RUNX3: variants seen among roughly 807,000 people sequenced by gnomAD.
RUNX3 encodes runt-related transcription factor 3.
RUNX3 carries 10 observed loss-of-function variants against 27.7 expected under a neutral mutation model. The ratio of observed to expected loss-of-function variants is 0.36; its 90% CI spans 0.22 to 0.61. The LOEUF (loss-of-function observed/expected upper bound fraction) is 0.61. Ranked by LOEUF, RUNX3 falls within the 20% of genes least tolerant of loss-of-function variation. The pLI is 0.72. For missense variants in RUNX3, 469 were observed against 629.5 expected, an observed-to-expected ratio of 0.75 and a Z score of 2.73; for synonymous variants, 270 against 269.2, an observed-to-expected ratio of 1.00 and a Z score of -0.03.
Position 24,929,571 on chromosome 1 carries a change from C to CA in RUNX3, c.282+15_282+16insT, listed in dbSNP as rs1218479654. The CA allele has an allele frequency of 5.0e-6, 8 of 1,596,210 alleles. No homozygotes were observed. In the African/African-American group the frequency reaches 1.1e-4, roughly 21 times the overall value. On this transcript the variant is annotated intron_variant, in intron 1 of 4. Transcript: ENST00000308873. ...CCCCAGGGCCGGCGCCCTCCCGCCC[C>CA]GGGTCCCGCACTCACCTTGAAGGCG...
intron 2 of RUNX3, among the ~76,000 whole-genome samples, chr1:24,926,548 T>C (rs999427227): frequency 6.6e-6 from 1 of 152,224 alleles, no homozygotes; most frequent in African/African-American, 2.4e-5. Flanking sequence ...TTTGTATGTA[T>C]ACATCGAACG....
chr1:24,936,730 C>T lies in RUNX3; in HGVS notation c.59-6878G>A, dbSNP rs569793820. On this transcript the variant is annotated intron_variant, in intron 2 of 6. Coordinates refer to the RUNX3 transcript ENST00000338888. The stretch of plus-strand genomic sequence containing the variant: ...AGCAGCTTCTGGGCCCAGCCAGGCC[C>T]ATTAGGGATTTTCCACCTCCCCAAA... Among the ~76,000 whole-genome samples the T allele has an allele frequency of 7.2e-5, 11 of 152,318 alleles. No homozygotes were observed. The South Asian group carries it at 2.3e-3, about 32-fold the overall frequency.
At chr1:24,907,697 C>G (rs141959761) in intron 3 of RUNX3, among the ~76,000 whole-genome samples, 2,563 of 150,814 alleles carry the variant, frequency 0.017, 50 homozygotes, top group African/African-American at 0.057. Context: ...ACGCGGTGAT[C>G]TAAACCTCTA....
Position 24,927,764 on chromosome 1 carries a change from A to G in RUNX3, c.283-34T>C. On this transcript the variant is annotated intron_variant, in intron 1 of 4. Transcript: ENST00000308873. This position sits in a 1 kb window ranked among gnomAD's most constrained non-coding sequence, Gnocchi z 5.0. ...ACGGGGCGGGGGGATGCAGGGGGACAGCTTAGAAAGGAAGAGGGTGACCAG... is the reference window on the plus strand; with the variant it reads ...ACGGGGCGGGGGGATGCAGGGGGACGGCTTAGAAAGGAAGAGGGTGACCAG... The G allele has an allele frequency of 6.2e-7, 1 of 1,602,530 alleles. No homozygotes were observed. The highest frequency in any genetic ancestry group is 8.5e-7 in the Non-Finnish European group (1 of 1,171,156).
At chr1:24,919,839 T>C (rs994939957) in intron 2 of RUNX3, among the ~76,000 whole-genome samples, 1 of 152,014 alleles carries the variant, frequency 6.6e-6, no homozygotes, top group Non-Finnish European at 1.5e-5. Context: ...TGGGTTTGTA[T>C]ATTTACACAG....
chr1:24,949,149 G>A (rs1332224431), intron 2 of RUNX3, among the ~76,000 whole-genome samples: 3 of 151,918 alleles, frequency 2.0e-5, no homozygotes, highest in Admixed American at 6.6e-5. Context: ...TCCCACGGGC[G>A]GCTGTGGAGC....
At chr1:24,913,983 G>A (rs886922761) in intron 3 of RUNX3, among the ~76,000 whole-genome samples, 10 of 152,240 alleles carry the variant, frequency 6.6e-5, no homozygotes, top group Non-Finnish European at 8.8e-5. Context: ...CCTCTGACAG[G>A]CTGTGACTAT....
chr1:24,919,403 GCTCT>G, intron 2 of RUNX3, 59 bp from the exon 3 acceptor site: 1 of 1,129,348 alleles, frequency 8.9e-7, no homozygotes, highest in East Asian at 2.4e-5. Context: ...ACAATACCCT[GCTCT>G]CCCACCTGTA....
In RUNX3 at chr1:24,928,678, A is replaced by G. The variant is rs552732820; in HGVS notation, c.282+909T>C. The G allele has an allele frequency of 7.8e-4, 153 of 197,162 alleles. 1 individual carries two copies. The highest frequency in any genetic ancestry group is 3.5e-3 in the African/African-American group (145 of 41,824). The allele number at this position is 197,162 out of a possible 1,614,324, so 12.2% of individuals were successfully genotyped here. ...CCTCCGATCTGACGATTAAAGTCAC[A>G]CGGGCCTCCCGCCCCTCCCGGCGAG... On this transcript the variant is annotated intron_variant, in intron 1 of 4. Transcript: ENST00000308873.
chr1:24,945,747 T>C (rs1163397422), intron 2 of RUNX3, among the ~76,000 whole-genome samples: 1 of 152,180 alleles, frequency 6.6e-6, no homozygotes, highest in Non-Finnish European at 1.5e-5. Flanking sequence ...CCCCGGTTCC[T>C]TTTCAGGGTA....
intron 3 of RUNX3, among the ~76,000 whole-genome samples, chr1:24,915,060 C>T (rs1640863072): frequency 6.6e-6 from 1 of 152,226 alleles, no homozygotes; most frequent in African/African-American, 2.4e-5. Flanking sequence ...GGGCTCCTGC[C>T]CACATTCTCA....
upstream of RUNX3, among the ~76,000 whole-genome samples, chr1:24,931,543 T>G (rs975176324): frequency 1.5e-4 from 23 of 152,070 alleles, no homozygotes. Flanking sequence ...GTGCTGAGCC[T>G]CCCCGCCGCT....
intron 1 of RUNX3, chr1:24,964,798 G>GA (rs1174610985): frequency 8.6e-7 from 1 of 1,158,560 alleles, no homozygotes; most frequent in Admixed American, 3.0e-5. Context: ...GTGAGAGAGA[G>GA]AAAAAAATCC....
At chr1:24,956,909 T>G (rs1641947591) in intron 2 of RUNX3, among the ~76,000 whole-genome samples, 2 of 152,034 alleles carry the variant, frequency 1.3e-5, no homozygotes, top group Non-Finnish European at 2.9e-5. Context: ...TTTTAACTCC[T>G]CTCAACAAAG....
At chr1:24,953,431 C>G (rs565455263) in intron 2 of RUNX3, among the ~76,000 whole-genome samples, 2 of 144,766 alleles carry the variant, frequency 1.4e-5, no homozygotes, top group African/African-American at 5.1e-5. Context: ...ATCTGCATAG[C>G]CCTACAAAGT....
chr1:24,963,141 C>T (rs1403722891), intron 2 of RUNX3: 1 of 152,502 alleles, frequency 6.6e-6, no homozygotes, highest in Non-Finnish European at 1.5e-5. Context: ...CAGCAGGCCC[C>T]CTTCACTCCC....
intron 2 of RUNX3, among the ~76,000 whole-genome samples, chr1:24,958,090 G>A (rs1249930543): frequency 1.3e-5 from 2 of 152,218 alleles, no homozygotes; most frequent in East Asian, 1.9e-4. Context: ...TCACGCTGGC[G>A]CAGAGGGGCC....
chr1:24,962,241 C>T lies in RUNX3; in HGVS notation c.58+2273G>A, dbSNP rs906960798. 2.0e-5 allele frequency: 3 copies of T among 152,218 alleles called. No individual in the cohort carries two copies. Among genetic ancestry groups the T allele is most frequent in the Non-Finnish European group, 4.4e-5 (3 of 68,034 alleles). The allele number at this position is 152,218 out of a possible 1,614,324, so 9.4% of individuals were successfully genotyped here. ...CAAATGGAGTTCAACAAATGGAAAACGTGAGTCAATATGTCACCAGCTTGC... is the reference window on the plus strand; with the variant it reads ...CAAATGGAGTTCAACAAATGGAAAATGTGAGTCAATATGTCACCAGCTTGC... On this transcript the variant is annotated intron_variant, in intron 2 of 6. Transcript: ENST00000338888. The surrounding 1 kb of genome is among the most constrained non-coding windows in gnomAD (Gnocchi z 4.5).
At chr1:24,949,160 T>A (rs558482200) in intron 2 of RUNX3, among the ~76,000 whole-genome samples, 23 of 152,184 alleles carry the variant, frequency 1.5e-4, no homozygotes, top group African/African-American at 4.1e-4. Context: ...GCTGTGGAGC[T>A]GAGCACTTCA....
Sources: allele counts gnomAD v4.1 joint callset (sites outside exome capture counted in the v4.1 genomes callset), GRCh38; gene constraint gnomAD v4.1.1; non-coding constraint Gnocchi (gnomAD v3.1); transcripts MANE v1.5; gene names NCBI Gene and HGNC (gene_info 2026-07-23, HGNC 2026-07-21).